Variants in IGF1R observed in about 807,000 individuals in gnomAD.
IGF1R encodes the protein insulin-like growth factor 1 receptor.
IGF1R carries 44 observed loss-of-function variants against 144.6 expected under a neutral mutation model. The ratio of observed to expected loss-of-function variants is 0.30; its 90% CI spans 0.24 to 0.39. The LOEUF (loss-of-function observed/expected upper bound fraction) is 0.39. Ranked by LOEUF, IGF1R falls within the 10% of genes least tolerant of loss-of-function variation. The pLI is 1.00. For missense variants in IGF1R, 1,355 were observed against 1,833.7 expected, an observed-to-expected ratio of 0.74 and a Z score of 4.77; for synonymous variants, 795 against 722.8, an observed-to-expected ratio of 1.10 and a Z score of -1.60.
intron 2 of IGF1R, among the ~76,000 whole-genome samples, chr15:98,750,787 C>T (rs1037054324): frequency 6.6e-6 from 1 of 152,128 alleles, no homozygotes; most frequent in Non-Finnish European, 1.5e-5. Context: ...GTATTTTCTT[C>T]TAGTTTTTTG....
chr15:98,662,903 T>G (rs2052634339), intron 1 of IGF1R, among the ~76,000 whole-genome samples: 1 of 152,102 alleles, frequency 6.6e-6, no homozygotes, highest in African/African-American at 2.4e-5. Context: ...AGGAATTGAC[T>G]GCTGGCTAGA....
intron 2 of IGF1R, among the ~76,000 whole-genome samples, chr15:98,868,430 T>C (rs1252186873): frequency 6.7e-6 from 1 of 149,988 alleles, no homozygotes; most frequent in Non-Finnish European, 1.5e-5. Flanking sequence ...ATGAGCCTTA[T>C]GCAAGCTCCT....
chr15:98,742,197 C>A (rs972172931), intron 2 of IGF1R, among the ~76,000 whole-genome samples: 1 of 152,212 alleles, frequency 6.6e-6, no homozygotes, highest in African/African-American at 2.4e-5. Flanking sequence ...AGGAGTGTAT[C>A]CAGCCTTCTC....
At chr15:98,900,268 C>T (rs1470973326) in intron 5 of IGF1R, among the ~76,000 whole-genome samples, 1 of 152,166 alleles carries the variant, frequency 6.6e-6, no homozygotes, top group Non-Finnish European at 1.5e-5. Context: ...GCTTTCCAGC[C>T]GTCAGCCTGT....
chr15:98,698,640 A>G (rs2053654332), intron 1 of IGF1R, among the ~76,000 whole-genome samples: 1 of 152,228 alleles, frequency 6.6e-6, no homozygotes, highest in Admixed American at 6.5e-5. Flanking sequence ...CTGTGCATGA[A>G]CTAGAGTGAT....
Position 98,939,302 on chromosome 15 carries a change from C to T in IGF1R, c.3399C>T (p.His1133=). 1 of 1,614,184 alleles carries T rather than the reference C, an allele frequency of 6.2e-7. No individual in the cohort carries two copies. Among genetic ancestry groups the T allele is most frequent in the South Asian group, 1.1e-5 (1 of 91,082 alleles). ...MAYLNANKFV[H]RDLAARNCMV... is the part of the protein sequence containing the mutation. ...ACCTCAACGCCAATAAGTTCGTCCA[C>T]AGAGACCTTGCTGCCCGGAATTGCA... The change falls in exon 18 of 21, where the codon CAC becomes CAT. Residue 1133 remains histidine, a synonymous_variant. Coordinates refer to ENST00000650285, the MANE Select transcript of IGF1R (RefSeq NM_000875.5).
At chr15:98,741,481 A>G (rs1440801437) in intron 2 of IGF1R, among the ~76,000 whole-genome samples, 3 of 152,090 alleles carry the variant, frequency 2.0e-5, no homozygotes, top group Non-Finnish European at 2.9e-5. Context: ...GCCTTTTACC[A>G]GACACCCAGA....
intron 2 of IGF1R, among the ~76,000 whole-genome samples, chr15:98,722,824 G>A (rs2054274915): frequency 6.6e-6 from 1 of 152,146 alleles, no homozygotes; most frequent in South Asian, 2.1e-4. Context: ...GTGGGTGAGA[G>A]AGCAGGCACT....
chr15:98,953,964 C>T (rs1325191688), intron 20 of IGF1R, among the ~76,000 whole-genome samples: 2 of 152,124 alleles, frequency 1.3e-5, no homozygotes, highest in African/African-American at 2.4e-5. Flanking sequence ...CTGGCTGAGG[C>T]GTGGTTCCTA....
chr15:98,822,336 G>GT (rs767944946), intron 2 of IGF1R, among the ~76,000 whole-genome samples: 101 of 152,300 alleles, frequency 6.6e-4, no homozygotes, highest in Admixed American at 2.0e-3. Flanking sequence ...CAGGGAGCAA[G>GT]TGAGTACAGG....
At chr15:98,897,272 C>A in intron 4 of IGF1R, 1 of 229,182 alleles carries the variant, frequency 4.4e-6, no homozygotes, top group South Asian at 7.3e-5. Context: ...ACACATCTTT[C>A]AAGTCTAAAG....
rs188857649 is a variant in IGF1R at position 98,957,257 on chromosome 15, C to T, written c.3919C>T (p.Pro1307Ser). The T allele has an allele frequency of 4.3e-6, 7 of 1,614,114 alleles. No homozygotes were observed. The highest frequency in any genetic ancestry group is 1.7e-5 in the Admixed American group (1 of 60,034). The change falls in exon 21 of 21, where the codon CCC becomes TCC. Residue 1307 changes from proline (P) to serine (S), a missense_variant. By Grantham distance (74) the Pro-to-Ser change is moderately conservative. This residue lies in a region of IGF1R where 219 missense variants were observed against 188.8 expected (regional missense o/e 1.16). Transcript: ENST00000650285. ...PENMESVPLD[P>S]SASSSSLPLP... ...GAACATGGAGAGCGTCCCCCTGGACCCCTCGGCCTCCTCGTCCTCCCTGCC... is the reference window on the plus strand; with the variant it reads ...GAACATGGAGAGCGTCCCCCTGGACTCCTCGGCCTCCTCGTCCTCCCTGCC...
intron 2 of IGF1R, among the ~76,000 whole-genome samples, chr15:98,788,062 C>CTCTGTGTG (rs2056044916): frequency 7.6e-6 from 1 of 131,032 alleles, no homozygotes; most frequent in East Asian, 2.3e-4. Flanking sequence ...CTCTCTCTCT[C>CTCTGTGTG]TGTGTGTGTG....
intron 1 of IGF1R, chr15:98,651,221 T>A (rs1244983753): frequency 5.0e-6 from 1 of 201,706 alleles, no homozygotes; most frequent in Non-Finnish European, 8.8e-6. Context: ...TCAGAAAGGC[T>A]GTTTCTATAA....
intron 2 of IGF1R, among the ~76,000 whole-genome samples, chr15:98,843,635 G>A (rs1027669487): frequency 2.6e-5 from 4 of 152,074 alleles, no homozygotes; most frequent in African/African-American, 9.7e-5. Flanking sequence ...TTCTTACCTT[G>A]ATCCATAGAG....
At chr15:98,784,929 T>C (rs1278278448) in intron 2 of IGF1R, among the ~76,000 whole-genome samples, 1 of 152,148 alleles carries the variant, frequency 6.6e-6, no homozygotes, top group African/African-American at 2.4e-5. Flanking sequence ...CCAATCCCCC[T>C]TGGATACTGA....
At chr15:98,810,812 G>T (rs1402467303) in intron 2 of IGF1R, among the ~76,000 whole-genome samples, 14 of 150,692 alleles carry the variant, frequency 9.3e-5, no homozygotes, top group Non-Finnish European at 1.6e-4. Flanking sequence ...CCTCCCAAAG[G>T]GCTGGGATTA....
chr15:98,807,819 C>T (rs541483071), intron 2 of IGF1R, among the ~76,000 whole-genome samples: 18 of 152,284 alleles, frequency 1.2e-4, no homozygotes, highest in South Asian at 6.2e-4. Context: ...TTCAAGCAGT[C>T]GGATTTTCTG....
At chr15:98,830,448 C>G (rs1363173334) in intron 2 of IGF1R, among the ~76,000 whole-genome samples, 1 of 152,170 alleles carries the variant, frequency 6.6e-6, no homozygotes, top group Non-Finnish European at 1.5e-5. Context: ...GTGCACTAGC[C>G]TAAGCCGAAA....
Sources: allele counts gnomAD v4.1 joint callset (sites outside exome capture counted in the v4.1 genomes callset), GRCh38; gene constraint gnomAD v4.1.1; regional missense constraint gnomAD v4.1.1; transcripts MANE v1.5; gene names NCBI Gene and HGNC (gene_info 2026-07-23, HGNC 2026-07-21).